PGRMC2: variants seen among roughly 807,000 people sequenced by gnomAD.
PGRMC2 encodes membrane-associated progesterone receptor component 2.
PGRMC2 carries 9 observed loss-of-function variants against 19.3 expected under a neutral mutation model. That is an observed-to-expected ratio of 0.47 (90% CI 0.28 to 0.81). PGRMC2 has a LOEUF of 0.81. Ranked by LOEUF, PGRMC2 falls within the 40% of genes least tolerant of loss-of-function variation. The pLI, the probability that PGRMC2 is intolerant of heterozygous loss-of-function variation, is 0.11. For missense variants in PGRMC2, 289 were observed against 297.3 expected, an observed-to-expected ratio of 0.97 and a Z score of 0.21; for synonymous variants, 157 against 124.6, an observed-to-expected ratio of 1.26 and a Z score of -1.73.
Position 128,269,357 on chromosome 4 carries a change from A to G in PGRMC2, c.*1959T>C, listed in dbSNP as rs968861250. The G allele has an allele frequency of 6.6e-6, 1 of 152,214 alleles. No homozygotes were observed. The highest frequency in any genetic ancestry group is 2.4e-5 in the African/African-American group (1 of 41,442). The allele number at this position is 152,214 out of a possible 1,614,324, so 9.4% of individuals were successfully genotyped here. ...GAATATTTAGGGTTTCTCTATTCAC[A>G]AGTACAGTTTATTACTAGACTTTAG... On this transcript the variant is annotated 3_prime_UTR_variant, in exon 3 of 3. Transcript: ENST00000296425.
intron 1 of PGRMC2, among the ~76,000 whole-genome samples, chr4:128,285,853 T>C (rs902190518): frequency 1.3e-5 from 2 of 152,318 alleles, no homozygotes; most frequent in Middle Eastern, 3.4e-3. Context: ...TTGATATAAG[T>C]AGGCAGACAC....
intron 1 of PGRMC2, among the ~76,000 whole-genome samples, chr4:128,277,189 C>A (rs1241818860): frequency 1.3e-5 from 2 of 150,198 alleles, no homozygotes; most frequent in Non-Finnish European, 2.9e-5. Context: ...AACAAACAAA[C>A]AAAACAAACC....
chr4:128,274,145 C>T (rs71612168), intron 1 of PGRMC2, among the ~76,000 whole-genome samples: 3,496 of 152,260 alleles, frequency 0.023, 73 homozygotes, highest in Non-Finnish European at 0.035. Context: ...AATGTGTCTT[C>T]TATATAAGAA....
intron 1 of PGRMC2, among the ~76,000 whole-genome samples, chr4:128,273,691 T>C (rs75703516): frequency 5.1e-4 from 77 of 152,328 alleles, no homozygotes; most frequent in African/African-American, 1.8e-3. Flanking sequence ...TATAAAAGTA[T>C]TTAGGAAACT....
chr4:128,281,111 T>C (rs528048128), intron 1 of PGRMC2, among the ~76,000 whole-genome samples: 2 of 152,268 alleles, frequency 1.3e-5, no homozygotes, highest in African/African-American at 4.8e-5. Context: ...AAGATAATAA[T>C]TTCATCAATT....
rs927289650 is a variant in PGRMC2, at chr4:128,270,330, T to C, written c.*986A>G. ...TTAGGCAGCTGTTGGGGATAAGAGT[T>C]GATTTGTTTTTCAATTTTTTTGAAA... On this transcript the variant is annotated 3_prime_UTR_variant, in exon 3 of 3. Transcript: ENST00000296425. 6 of 152,554 alleles carry C rather than the reference T, an allele frequency of 3.9e-5. No homozygotes were observed. The highest frequency in any genetic ancestry group is 2.1e-4 in the South Asian group (1 of 4,824). 9.5% of individuals were successfully genotyped at this position (152,554 alleles called of 1,614,324 possible).
chr4:128,284,572 T>C (rs1034169574), intron 1 of PGRMC2, among the ~76,000 whole-genome samples: 1 of 152,214 alleles, frequency 6.6e-6, no homozygotes, highest in African/African-American at 2.4e-5. Flanking sequence ...CAAATTACAC[T>C]GTCAATATTT....
At chr4:128,284,403 T>C (rs1450809166) in intron 1 of PGRMC2, among the ~76,000 whole-genome samples, 1 of 152,226 alleles carries the variant, frequency 6.6e-6, no homozygotes, top group East Asian at 1.9e-4. Flanking sequence ...TCTGATATTG[T>C]GGGTGCTTAA....
chr4:128,284,945 T>C (rs572278562), intron 1 of PGRMC2, among the ~76,000 whole-genome samples: 2 of 152,328 alleles, frequency 1.3e-5, no homozygotes, highest in African/African-American at 4.8e-5. Context: ...AATAATAAAA[T>C]ATTCAAATAT....
intron 1 of PGRMC2, among the ~76,000 whole-genome samples, chr4:128,280,477 A>C (rs1760892391): frequency 6.6e-6 from 1 of 152,116 alleles, no homozygotes; most frequent in Non-Finnish European, 1.5e-5. Context: ...CCCAAAGACA[A>C]AAAGATCTCA....
At chr4:128,286,585 A>AG (rs1760986322) in intron 1 of PGRMC2, 1 of 398,390 alleles carries the variant, frequency 2.5e-6, no homozygotes, top group Non-Finnish European at 4.4e-6. Context: ...ACTTGAAAAG[A>AG]GAAAAAAAAA....
Position 128,287,362 on chromosome 4 carries a change from C to G in PGRMC2, c.418+11G>C, listed in dbSNP as rs1346101911. On this transcript the variant is annotated intron_variant, in intron 1 of 2. Transcript: ENST00000296425. The stretch of plus-strand genomic sequence containing the variant: ...GCAGGGGGTCCTTCCCCTCCCCTTC[C>G]AACTCCTCACCCGGGCCGTAGAACT... The G allele has an allele frequency of 5.7e-6, 9 of 1,588,836 alleles. No homozygotes were observed. The Admixed American group carries it at 1.4e-4, about 24-fold the overall frequency.
At chr4:128,275,351 T>C (rs1760793625) in intron 1 of PGRMC2, among the ~76,000 whole-genome samples, 1 of 152,160 alleles carries the variant, frequency 6.6e-6, no homozygotes. Context: ...AGTATATTAA[T>C]ATATACCAGT....
intron 1 of PGRMC2, among the ~76,000 whole-genome samples, chr4:128,280,006 G>T (rs1257915130): frequency 6.6e-6 from 1 of 151,908 alleles, no homozygotes; most frequent in Non-Finnish European, 1.5e-5. Context: ...GCCCTATTTT[G>T]CAACATACCC....
In PGRMC2 at chr4:128,287,480, C is replaced by G. The variant is rs376896093; in HGVS notation, c.311G>C (p.Ser104Thr). The change falls in exon 1 of 3, where the codon AGC becomes ACC. Residue 104 changes from serine to threonine, a missense_variant. Ser to Thr is a moderately conservative substitution (Grantham distance 58, BLOSUM62 1). Transcript: ENST00000296425. ...SLPRMKKRDF[S>T]LEQLRQYDGS... Reference sequence around the variant, plus strand: ...GTCGTACTGGCGCAGCTGCTCCAAGCTGAAGTCCCGCTTCTTCATGCGAGG... The same window carrying G: ...GTCGTACTGGCGCAGCTGCTCCAAGGTGAAGTCCCGCTTCTTCATGCGAGG... 3.1e-6 allele frequency: 5 copies of G among 1,613,760 alleles called. No individual in the cohort carries two copies. In the South Asian group the frequency reaches 3.3e-5, roughly 11 times the overall value.
At position 128,287,480 on chromosome 4, in the gene PGRMC2, C is replaced by T. The variant is rs376896093; in HGVS notation, c.311G>A (p.Ser104Asn). ...SLPRMKKRDF[S>N]LEQLRQYDGS... Reference sequence around the variant, plus strand: ...GTCGTACTGGCGCAGCTGCTCCAAGCTGAAGTCCCGCTTCTTCATGCGAGG... The same window carrying T: ...GTCGTACTGGCGCAGCTGCTCCAAGTTGAAGTCCCGCTTCTTCATGCGAGG... The change falls in exon 1 of 3, where the codon AGC becomes AAC. Residue 104 changes from serine to asparagine, a missense_variant. Coordinates refer to ENST00000296425, the MANE Select transcript of PGRMC2 (RefSeq NM_006320.6). 3 of 1,613,760 alleles carry T rather than the reference C, an allele frequency of 1.9e-6. No individual in the cohort carries two copies. Among genetic ancestry groups the T allele is most frequent in the Non-Finnish European group, 8.5e-7 (1 of 1,179,792 alleles).
In PGRMC2 at chr4:128,287,749, C is replaced by A. The variant is rs780005857; in HGVS notation, c.42G>T (p.Gly14=). The change falls in exon 1 of 3, where the codon GGG becomes GGT. Residue 14 remains glycine, a synonymous_variant. Transcript: ENST00000296425. ...GDGDVKLGTL[G]SGSESSNDGG... Reference sequence around the variant, plus strand: ...CGTCGTTGCTGCTCTCGCTGCCACTCCCCAGGGTGCCTAGCTTCACGTCCC... The same window carrying A: ...CGTCGTTGCTGCTCTCGCTGCCACTACCCAGGGTGCCTAGCTTCACGTCCC... The A allele has an allele frequency of 1.4e-6, 2 of 1,473,458 alleles. No individual in the cohort carries two copies. Among genetic ancestry groups the A allele is most frequent in the Admixed American group, 1.8e-5 (1 of 56,022 alleles). The allele number at this position is 1,473,458 out of a possible 1,614,324, so 91.3% of individuals were successfully genotyped here. A position where few individuals can be genotyped will look rare whatever the true frequency, so the allele number is the denominator to read the frequency against.
chr4:128,275,671 A>G (rs1760799182), intron 1 of PGRMC2, among the ~76,000 whole-genome samples: 1 of 152,192 alleles, frequency 6.6e-6, no homozygotes, highest in Non-Finnish European at 1.5e-5. Flanking sequence ...AACTTCTGCA[A>G]AGGTCTTTTT....
chr4:128,271,680 A>C lies in PGRMC2; in HGVS notation c.575-267T>G, dbSNP rs141373330. On this transcript the variant is annotated intron_variant, in intron 2 of 2. Transcript: ENST00000296425. ...CCAGTGATTCTTAGTTGGATACTGC[A>C]TCAGAATCACTTGGAGATCTTTTTT... is the stretch of plus-strand genomic sequence containing the variant. Among the ~76,000 whole-genome samples the C allele has an allele frequency of 2.1e-4, 32 of 152,350 alleles. 1 individual carries two copies. In the East Asian group the frequency reaches 6.0e-3, roughly 28 times the overall value.
Sources: gnomAD v4.1 joint callset for allele counts (sites outside exome capture counted in the v4.1 genomes callset) on GRCh38, gnomAD v4.1.1 for gene constraint, MANE v1.5 for transcripts, NCBI Gene and HGNC (gene_info 2026-07-23, HGNC 2026-07-21) for gene names.